SCAMP4: variants seen among roughly 807,000 people sequenced by gnomAD.
SCAMP4 encodes the protein secretory carrier-associated membrane protein 4.
SCAMP4 carries 19 observed loss-of-function variants against 32.1 expected under a neutral mutation model. The ratio of observed to expected loss-of-function variants is 0.59; its 90% CI spans 0.41 to 0.87. The LOEUF is 0.87. SCAMP4 is among the 40% of genes least tolerant of loss of function. SCAMP4 has a pLI of 0.00. For missense variants in SCAMP4, 302 were observed against 309.0 expected (o/e 0.98, Z 0.17); for synonymous variants, 152 against 132.7 (o/e 1.15, Z -1.00).
At chr19:1,912,240 C>T in intron 1 of SCAMP4, 2 of 1,597,122 alleles carry the variant, frequency 1.3e-6, no homozygotes, top group Non-Finnish European at 8.5e-7. Flanking sequence ...CTACGCCGCG[C>T]CCGTCCTGGA....
chr19:1,905,788 A>T (rs940486593), intron 1 of SCAMP4: 2 of 152,382 alleles, frequency 1.3e-5, no homozygotes, highest in African/African-American at 4.8e-5. Flanking sequence ...CATGTCCCGC[A>T]GTCCCCTGCC....
In SCAMP4 at chr19:1,917,707, C is replaced by G. The variant is rs1169259458; in HGVS notation, c.21C>G (p.Asn7Lys). 6.2e-7 allele frequency: 1 copy of G among 1,613,878 alleles called. No homozygotes were observed. Among genetic ancestry groups the G allele is most frequent in the African/African-American group, 1.3e-5 (1 of 74,944 alleles). The change falls in exon 3 of 7, where the codon AAC (asparagine) becomes AAG (lysine). Residue 7 changes from asparagine to lysine, a missense_variant. By Grantham distance (94) the Asn-to-Lys change is moderately conservative (BLOSUM62 0). Coordinates refer to ENST00000316097, the MANE Select transcript of SCAMP4 (RefSeq NM_079834.4). The part of the protein sequence containing the change: MSEKEN[N>K]FPPLPKFIPV... ...CTGTCCCTACAGAAAAGGAGAACAA[C>G]TTCCCGCCACTGCCCAAGTTCATCC...
chr19:1,918,965 A>C lies in SCAMP4; in HGVS notation c.370A>C (p.Ile124Leu). The part of the protein sequence containing the change: ...AQFVLTVIQA[I>L]GFSGWGACGW... Reference sequence around the variant, plus strand: ...GTTTGTCCTGACCGTCATCCAGGCGATTGGCTTCTCCGGCTGGGGCGCGTG... The same window carrying C: ...GTTTGTCCTGACCGTCATCCAGGCGCTTGGCTTCTCCGGCTGGGGCGCGTG... The change falls in exon 5 of 7, where the codon ATT (isoleucine) becomes CTT (leucine). Residue 124 changes from isoleucine (I) to leucine (L), a missense_variant. Ile to Leu is a conservative substitution (Grantham distance 5). Coordinates refer to ENST00000316097, the MANE Select transcript of SCAMP4 (RefSeq NM_079834.4). 6.2e-7 allele frequency: 1 copy of C among 1,611,526 alleles called. No individual in the cohort carries two copies. The highest frequency in any genetic ancestry group is 8.5e-7 in the Non-Finnish European group (1 of 1,178,938).
At position 1,921,956 on chromosome 19, in the gene SCAMP4, C is replaced by T. The variant is rs558918760; in HGVS notation, c.396-1114C>T. 1,174 of 985,516 alleles carry T rather than the reference C, an allele frequency of 1.2e-3. 3 individuals carry two copies. Among genetic ancestry groups the T allele is most frequent in the Non-Finnish European group, 1.3e-3 (1,104 of 829,970 alleles). 61.0% of individuals were successfully genotyped at this position (985,516 alleles called of 1,614,324 possible). A position where few individuals can be genotyped will look rare whatever the true frequency, so the allele number is the denominator to read the frequency against. On this transcript the variant is annotated intron_variant, in intron 5 of 6. Coordinates refer to ENST00000316097, the MANE Select transcript of SCAMP4 (RefSeq NM_079834.4). Reference sequence around the variant, plus strand: ...GTACCGCGTGTGCGTGCATATCACGCCCCGTGCATGTGTGTGCATAAGCTC... The same window carrying T: ...GTACCGCGTGTGCGTGCATATCACGTCCCGTGCATGTGTGTGCATAAGCTC...
intron 5 of SCAMP4, chr19:1,922,026 C>T (rs897710982): frequency 6.1e-6 from 6 of 985,332 alleles, no homozygotes; most frequent in Admixed American, 1.2e-4. Context: ...TGCCTGTGCA[C>T]CAGGGAGGGG....
At chr19:1,920,187 G>T in intron 5 of SCAMP4, 1 of 985,286 alleles carries the variant, frequency 1.0e-6, no homozygotes, top group Non-Finnish European at 1.2e-6. Context: ...GACTGTTCTC[G>T]CCCACGTCCC....
intron 6 of SCAMP4, among the ~76,000 whole-genome samples, chr19:1,923,900 C>G (rs2014006274): frequency 8.6e-6 from 1 of 116,206 alleles, no homozygotes; most frequent in African/African-American, 2.5e-5. Flanking sequence ...GCTGGGATGA[C>G]AGGCGTGAGC....
At position 1,924,633 on chromosome 19, in the gene SCAMP4, T is replaced by G; in HGVS notation, c.*349T>G. ...ACTCCGGGGGACAGGTGGCAGCAGG[T>G]CGGCCGCCCTCCCGTCCTCCCAGAG... On this transcript the variant is annotated 3_prime_UTR_variant, in exon 7 of 7. Coordinates refer to ENST00000316097, the MANE Select transcript of SCAMP4 (RefSeq NM_079834.4). 3.4e-6 allele frequency: 1 copy of G among 292,930 alleles called. No homozygotes were observed. Among genetic ancestry groups the G allele is most frequent in the Non-Finnish European group, 6.8e-6 (1 of 146,308 alleles). The allele number at this position is 292,930 out of a possible 1,614,324, so 18.1% of individuals were successfully genotyped here.
chr19:1,914,267 A>G (rs1161557775), intron 1 of SCAMP4, among the ~76,000 whole-genome samples: 1 of 152,176 alleles, frequency 6.6e-6, no homozygotes, highest in Non-Finnish European at 1.5e-5. Context: ...GCCCCACCCC[A>G]CGGTGACATG....
At chr19:1,907,435 G>T (rs2013187699) in intron 1 of SCAMP4, among the ~76,000 whole-genome samples, 1 of 152,024 alleles carries the variant, frequency 6.6e-6, no homozygotes, top group Non-Finnish European at 1.5e-5. Flanking sequence ...TTTCACAGGG[G>T]TGGAAGCCGA....
chr19:1,911,639 C>T (rs750976681), intron 1 of SCAMP4, among the ~76,000 whole-genome samples: 2 of 152,062 alleles, frequency 1.3e-5, no homozygotes, highest in African/African-American at 2.4e-5. Context: ...AAAAATTAGT[C>T]GGGCGTGGTG....
chr19:1,917,880 G>T, intron 3 of SCAMP4, 58 bp downstream of exon 3: 1 of 1,604,980 alleles, frequency 6.2e-7, no homozygotes, highest in East Asian at 2.2e-5. Context: ...CCGAGGGAGG[G>T]AGTGGCATTC....
chr19:1,913,074 C>A, intron 1 of SCAMP4: 1 of 1,601,772 alleles, frequency 6.2e-7, no homozygotes. Context: ...CCACGCACGG[C>A]CCGACCTCAA....
intron 1 of SCAMP4, chr19:1,913,593 C>A: frequency 5.4e-6 from 1 of 184,126 alleles, no homozygotes. Flanking sequence ...TAGAGCAAGG[C>A]CCCCAGCTGC....
chr19:1,918,011 G>A (rs774782640), intron 3 of SCAMP4, 116 bp from the exon 4 acceptor site: 103 of 1,414,664 alleles, frequency 7.3e-5, no homozygotes, highest in Non-Finnish European at 9.0e-5. Context: ...GTTCATCCTC[G>A]ACATGGGGTC....
chr19:1,922,532 GCCT>G, intron 5 of SCAMP4: 2 of 985,452 alleles, frequency 2.0e-6, no homozygotes, highest in Non-Finnish European at 1.2e-6. Flanking sequence ...TCTGCGCCCG[GCCT>G]CCTCATTGTT....
In SCAMP4 at chr19:1,908,593, T is replaced by A. The variant is rs147205875; in HGVS notation, c.-42+3154T>A. ...CATCTGCGGCTTAGCCCCAGCACCA[T>A]CTGAGGCAGTACTGTCTGCTAGAAA... On this transcript the variant is annotated intron_variant, in intron 1 of 6. Transcript: ENST00000316097. The surrounding 1 kb of genome is among the most constrained non-coding windows in gnomAD (Gnocchi z 4.2). The A allele has an allele frequency of 9.1e-4, 428 of 471,116 alleles. 9 individuals are homozygous for A. The East Asian group carries it at 0.024, about 27-fold the overall frequency. The allele number at this position is 471,116 out of a possible 1,614,324, so 29.2% of individuals were successfully genotyped here.
At chr19:1,913,124 G>A (rs2145440383) in intron 1 of SCAMP4, 3 of 1,580,224 alleles carry the variant, frequency 1.9e-6, no homozygotes, top group South Asian at 2.3e-5. Flanking sequence ...TGGAGGAGCA[G>A]TGCCGCTGGC....
intron 1 of SCAMP4, chr19:1,913,153 C>T (rs1249800873): frequency 6.5e-7 from 1 of 1,535,776 alleles, no homozygotes; most frequent in Non-Finnish European, 8.7e-7. Flanking sequence ...GACACGTAGG[C>T]GCCGCCCTCC....
Sources: gnomAD v4.1 joint callset for allele counts (sites outside exome capture counted in the v4.1 genomes callset) on GRCh38, gnomAD v4.1.1 for gene constraint, Gnocchi (gnomAD v3.1) non-coding constraint, MANE v1.5 for transcripts, NCBI Gene and HGNC (gene_info 2026-07-23, HGNC 2026-07-21) for gene names.